PALS2: variants seen among roughly 807,000 people sequenced by gnomAD.
PALS2 encodes protein associated with LIN7 2, MAGUK p55 family member.
Under a neutral mutation model 61.6 loss-of-function variants are expected in PALS2, and 27 were observed. The observed-to-expected ratio is 0.44, with a 90% confidence interval of 0.32 to 0.60. The LOEUF (loss-of-function observed/expected upper bound fraction) is 0.60. Ranked by LOEUF, PALS2 falls within the 20% of genes least tolerant of loss-of-function variation. The pLI, the probability that PALS2 is intolerant of heterozygous loss-of-function variation, is 0.05. For missense variants in PALS2, 554 were observed against 639.4 expected, an observed-to-expected ratio of 0.87 and a Z score of 1.44; for synonymous variants, 236 against 218.6, an observed-to-expected ratio of 1.08 and a Z score of -0.70.
intron 8 of PALS2, among the ~76,000 whole-genome samples, chr7:24,667,290 T>C (rs2128088431): frequency 6.6e-6 from 1 of 152,322 alleles, no homozygotes; most frequent in South Asian, 2.1e-4. Flanking sequence ...GGGTTATGTT[T>C]CTAGTGAAAC....
At chr7:24,579,733 A>G (rs1326842878) in intron 1 of PALS2, among the ~76,000 whole-genome samples, 1 of 152,236 alleles carries the variant, frequency 6.6e-6, no homozygotes, top group East Asian at 1.9e-4. Flanking sequence ...GACCCAGTTC[A>G]TAATTCTTAT....
At chr7:24,627,230 A>G (rs1234063938) in intron 2 of PALS2, among the ~76,000 whole-genome samples, 1 of 152,214 alleles carries the variant, frequency 6.6e-6, no homozygotes, top group Non-Finnish European at 1.5e-5. Flanking sequence ...ATACAACTAC[A>G]TGGAAACTGA....
intron 1 of PALS2, among the ~76,000 whole-genome samples, chr7:24,578,508 G>T (rs1782722462): frequency 1.3e-5 from 2 of 152,202 alleles, no homozygotes; most frequent in African/African-American, 4.8e-5. Context: ...TGGAATGCAA[G>T]GACTGGGACT....
chr7:24,651,418 C>G (rs80059393), intron 5 of PALS2, among the ~76,000 whole-genome samples: 2,572 of 152,232 alleles, frequency 0.017, 85 homozygotes, highest in African/African-American at 0.059. Flanking sequence ...CTTACCTTCT[C>G]TGTGCTTCAT....
intron 1 of PALS2, among the ~76,000 whole-genome samples, chr7:24,621,872 G>A (rs1784535424): frequency 6.6e-6 from 1 of 151,960 alleles, no homozygotes. Flanking sequence ...TGAGTGAGGG[G>A]AGGGGTCTAG....
intron 1 of PALS2, among the ~76,000 whole-genome samples, chr7:24,602,681 C>A (rs369530841): frequency 1.3e-5 from 2 of 152,148 alleles, no homozygotes; most frequent in African/African-American, 4.8e-5. Context: ...TCTTATCTTA[C>A]TCTCTCCAGA....
At chr7:24,637,045 G>A (rs1192470566) in intron 2 of PALS2, among the ~76,000 whole-genome samples, 2 of 152,090 alleles carry the variant, frequency 1.3e-5, no homozygotes, top group Non-Finnish European at 2.9e-5. Flanking sequence ...TTAAAGCCAA[G>A]CTTTTAAAAT....
chr7:24,674,226 T>C (rs1787448924), intron 9 of PALS2: 2 of 152,896 alleles, frequency 1.3e-5, no homozygotes, highest in Admixed American at 1.3e-4. Context: ...CGGGAACCCA[T>C]CTTTGTGACC....
At chr7:24,586,462 A>G (rs1783068689) in intron 1 of PALS2, among the ~76,000 whole-genome samples, 1 of 152,354 alleles carries the variant, frequency 6.6e-6, no homozygotes, top group Middle Eastern at 3.4e-3. Context: ...AACCAAGGAA[A>G]AAAAGTAGTC....
At chr7:24,622,201 AAAAG>A (rs1268581803) in intron 1 of PALS2, among the ~76,000 whole-genome samples, 2 of 152,046 alleles carry the variant, frequency 1.3e-5, no homozygotes, top group Non-Finnish European at 2.9e-5. Context: ...TTTCTACAAA[AAAAG>A]AAAAGGCAGT....
intron 1 of PALS2, among the ~76,000 whole-genome samples, chr7:24,619,108 C>T (rs1784397742): frequency 6.6e-6 from 1 of 152,066 alleles, no homozygotes; most frequent in Admixed American, 6.6e-5. Flanking sequence ...ATTTAATTAC[C>T]TTGTAAATTT....
intron 1 of PALS2, among the ~76,000 whole-genome samples, chr7:24,602,695 T>G (rs1783763874): frequency 6.6e-6 from 1 of 152,130 alleles, no homozygotes; most frequent in Admixed American, 6.5e-5. Context: ...CTCCAGAAAA[T>G]AAGCCCCTAG....
intron 1 of PALS2, among the ~76,000 whole-genome samples, chr7:24,586,155 A>AT (rs552141813): frequency 0.072 from 10,615 of 147,704 alleles, 406 homozygotes; most frequent in African/African-American, 0.096. Flanking sequence ...AGGCTTTGCT[A>AT]TTTTTTTTTT....
chr7:24,604,219 GAAAAAAA>G (rs58169190), intron 1 of PALS2, among the ~76,000 whole-genome samples: 12 of 86,150 alleles, frequency 1.4e-4, no homozygotes, highest in South Asian at 4.8e-4. Context: ...TTCAAGAAAA[GAAAAAAA>G]AAAAAAAAAA....
chr7:24,645,436 G>C (rs1209477989), intron 3 of PALS2, among the ~76,000 whole-genome samples: 1 of 152,076 alleles, frequency 6.6e-6, no homozygotes, highest in East Asian at 1.9e-4. Context: ...TAGATGTGCA[G>C]CCTTATTTCT....
chr7:24,623,837 A>G, intron 2 of PALS2, 53 bp downstream of exon 2: 1 of 1,325,912 alleles, frequency 7.5e-7, no homozygotes, highest in South Asian at 1.4e-5. Context: ...TAGTTTTTAT[A>G]GAGATATTTT....
rs1356210019 is a variant in PALS2, at chr7:24,692,897, A to G, written c.*5283A>G. 6.6e-6 allele frequency: 1 copy of G among 152,174 alleles called. No individual in the cohort carries two copies. The highest frequency in any genetic ancestry group is 6.5e-5 in the Admixed American group (1 of 15,272). The allele number at this position is 152,174 out of a possible 1,614,324, so 9.4% of individuals were successfully genotyped here. A position where few individuals can be genotyped will look rare whatever the true frequency, so the allele number is the denominator to read the frequency against. On this transcript the variant is annotated 3_prime_UTR_variant, in exon 12 of 12. Transcript: ENST00000222644. ...AATTTAAAAAGGCATCTATTTCTTT[A>G]TAGAAAGAAACATTCACAGTGAGGT...
intron 2 of PALS2, chr7:24,624,210 G>A: frequency 9.6e-7 from 1 of 1,040,822 alleles, no homozygotes; most frequent in Non-Finnish European, 1.3e-6. Flanking sequence ...GTTATTTGTT[G>A]CATAAGCCTG....
At chr7:24,639,509 TC>T (rs2128069533) in intron 2 of PALS2, among the ~76,000 whole-genome samples, 1 of 152,302 alleles carries the variant, frequency 6.6e-6, no homozygotes, top group South Asian at 2.1e-4. Flanking sequence ...CCTTTTTTTT[TC>T]CTTTGAAGCT....
Sources: gnomAD v4.1 joint callset for allele counts (sites outside exome capture counted in the v4.1 genomes callset) on GRCh38, gnomAD v4.1.1 for gene constraint, MANE v1.5 for transcripts, NCBI Gene and HGNC (gene_info 2026-07-23, HGNC 2026-07-21) for gene names.